Variants in MED15 observed in about 807,000 individuals in gnomAD.
MED15 encodes the protein mediator of RNA polymerase II transcription subunit 15.
In MED15, 41 loss-of-function variants were observed where a neutral mutation model predicts 118.7. The ratio of observed to expected loss-of-function variants is 0.35; its 90% confidence interval spans 0.27 to 0.45. The LOEUF (loss-of-function observed/expected upper bound fraction) is 0.45. MED15 is among the 20% of genes least tolerant of loss of function. MED15 has a pLI of 1.00. For synonymous variants in MED15, 436 were observed against 413.9 expected (o/e 1.05, Z -0.65); for missense variants, 740 against 1,025.5 (o/e 0.72, Z 3.80).
chr22:20,576,891 G>A (rs552620967), intron 9 of MED15, among the ~76,000 whole-genome samples: 1 of 152,188 alleles, frequency 6.6e-6, no homozygotes, highest in Non-Finnish European at 1.5e-5. Context: ...ATAGCCTCTG[G>A]CACAGTATCC....
intron 8 of MED15, among the ~76,000 whole-genome samples, chr22:20,570,134 C>A (rs150074612): frequency 7.9e-5 from 12 of 151,208 alleles, no homozygotes; most frequent in African/African-American, 2.7e-4. Flanking sequence ...AAGTGATTCT[C>A]CTGCCTCAGG....
rs559614939 is a variant in MED15, at chr22:20,568,116, C to A, written c.1042-405C>A. Among the ~76,000 whole-genome samples, 425 of 152,340 alleles carry A rather than the reference C, an allele frequency of 2.8e-3. 3 individuals are homozygous for A. Among genetic ancestry groups the A allele is most frequent in the Middle Eastern group, 0.01 (3 of 294 alleles). ...TTGGCCTCCCAGAATGCTGAGAATA[C>A]AGACAGGAGCTACTACGCCCTGCCC... On this transcript the variant is annotated intron_variant, in intron 7 of 17. Transcript: ENST00000263205.
chr22:20,579,683 C>T (rs1319815549), intron 9 of MED15, among the ~76,000 whole-genome samples: 1 of 152,150 alleles, frequency 6.6e-6, no homozygotes, highest in Non-Finnish European at 1.5e-5. Flanking sequence ...CTGTGTGGGT[C>T]CCTTTCCCAG....
chr22:20,586,528 C>T (rs754729697), intron 17 of MED15, 40 bp from the exon 18 acceptor site: 10 of 1,600,718 alleles, frequency 6.2e-6, no homozygotes, highest in East Asian at 2.2e-5. Context: ...GCGAGCGCAG[C>T]GCCGGCCGCC....
At chr22:20,511,498 GAAA>G (rs35887140) in intron 1 of MED15, among the ~76,000 whole-genome samples, 1 of 142,642 alleles carries the variant, frequency 7.0e-6, no homozygotes, top group Non-Finnish European at 1.6e-5. Context: ...CTCAAAAAAA[GAAA>G]AAAAAAAAGC....
intron 1 of MED15, among the ~76,000 whole-genome samples, chr22:20,508,664 A>C (rs2053959922): frequency 6.6e-6 from 1 of 152,170 alleles, no homozygotes; most frequent in Admixed American, 6.5e-5. Context: ...GGAGATTACA[A>C]AGTACATTGA....
rs1219166408 is a variant in MED15 at position 20,583,194 on chromosome 22, C to T, written c.1619C>T (p.Ser540Leu). 1 of 1,611,626 alleles carries T rather than the reference C, an allele frequency of 6.2e-7. No homozygotes were observed. The highest frequency in any genetic ancestry group is 8.5e-7 in the Non-Finnish European group (1 of 1,179,226). ...QQYLDKLKQLSKYIEPLRRMI... is the reference protein window; with the variant it reads ...QQYLDKLKQLLKYIEPLRRMI... Reference sequence around the variant, plus strand: ...TACCTGGACAAGCTGAAGCAGCTGTCGAAGTACATCGAGCCCCTGCGCCGC... The same window carrying T: ...TACCTGGACAAGCTGAAGCAGCTGTTGAAGTACATCGAGCCCCTGCGCCGC... Residue 540 changes from serine (S) to leucine (L), a missense_variant, in exon 12 of 18, where the codon TCG (serine) becomes TTG (leucine). Transcript: ENST00000263205.
chr22:20,536,345 T>C (rs1569191275), intron 1 of MED15, among the ~76,000 whole-genome samples: 1 of 1,184 alleles, frequency 8.4e-4, no homozygotes, highest in Admixed American at 0.011. Flanking sequence ...TGTGTGAGTG[T>C]GGGAGGTGGG....
At chr22:20,557,290 A>G (rs919065094) in intron 5 of MED15, among the ~76,000 whole-genome samples, 2 of 152,040 alleles carry the variant, frequency 1.3e-5, no homozygotes, top group African/African-American at 4.8e-5. Flanking sequence ...CTTTGGGGCC[A>G]TAGGCATCCT....
At position 20,523,815 on chromosome 22, in the gene MED15, A is replaced by G. The variant is rs541579293; in HGVS notation, c.69-13302A>G. The stretch of plus-strand genomic sequence containing the variant: ...CGTGTATTCTTCTGAACTAGCTTAG[A>G]CAACAGTACACAGTTTGAAGGGCAG... On this transcript the variant is annotated intron_variant, in intron 1 of 17. Coordinates refer to ENST00000263205, the MANE Select transcript of MED15 (RefSeq NM_001003891.3). The G allele has an allele frequency of 1.0e-5, 10 of 985,436 alleles. No individual in the cohort carries two copies. The East Asian group carries it at 1.0e-3, about 101-fold the overall frequency. The allele number at this position is 985,436 out of a possible 1,614,324, so 61.0% of individuals were successfully genotyped here.
intron 2 of MED15, among the ~76,000 whole-genome samples, chr22:20,540,976 C>T (rs57880669): frequency 1.0e-3 from 154 of 152,232 alleles, no homozygotes; most frequent in African/African-American, 2.7e-3. Context: ...CACCTGTAAT[C>T]CCAGCACTTT....
At chr22:20,518,837 T>C (rs984436361) in intron 1 of MED15, 52 of 453,232 alleles carry the variant, frequency 1.1e-4, no homozygotes, top group Non-Finnish European at 2.2e-4. Context: ...TGGTTGATTT[T>C]CTTTTTGAGA....
intron 6 of MED15, 78 bp downstream of exon 6, chr22:20,564,766 G>A (rs2056374305): frequency 6.3e-7 from 1 of 1,594,100 alleles, no homozygotes; most frequent in African/African-American, 1.3e-5. Context: ...ACAATGCTGG[G>A]TGCAGTGCCC....
intron 3 of MED15, 25 bp downstream of exon 3, chr22:20,551,512 G>A: frequency 6.2e-7 from 1 of 1,610,244 alleles, no homozygotes; most frequent in Non-Finnish European, 8.5e-7. Context: ...GCATTTCTGG[G>A]TTGTTGAGAT....
At chr22:20,511,094 A>G (rs1202845133) in intron 1 of MED15, among the ~76,000 whole-genome samples, 2 of 152,218 alleles carry the variant, frequency 1.3e-5, no homozygotes, top group East Asian at 1.9e-4. Context: ...AAAGATTTGC[A>G]TTAGAATTCT....
At chr22:20,559,583 G>A (rs1023742138) in intron 5 of MED15, among the ~76,000 whole-genome samples, 3 of 152,228 alleles carry the variant, frequency 2.0e-5, no homozygotes, top group African/African-American at 7.2e-5. Context: ...AGACTGCAGA[G>A]CACCAAAGGC....
chr22:20,582,851 C>T lies in MED15; in HGVS notation c.1421C>T (p.Ala474Val). 6.2e-7 allele frequency: 1 copy of T among 1,612,562 alleles called. No individual in the cohort carries two copies. Among genetic ancestry groups the T allele is most frequent in the Non-Finnish European group, 8.5e-7 (1 of 1,179,890 alleles). Residue 474 changes from alanine to valine, a missense_variant, in exon 11 of 18, where the codon GCC becomes GTC. By Grantham distance (64) the Ala-to-Val change is moderately conservative (BLOSUM62 0). Coordinates refer to ENST00000263205, the MANE Select transcript of MED15 (RefSeq NM_001003891.3). Reference sequence around the variant, plus strand: ...TCACTTGGCTGCAGCTCTGGCCCTGCCCCATCTCCCAGTAGCTTCCTGCCC... The same window carrying T: ...TCACTTGGCTGCAGCTCTGGCCCTGTCCCATCTCCCAGTAGCTTCCTGCCC... ...QPNSNVSSGP[A>V]PSPSSFLPSP... is the part of the protein sequence containing the mutation.
chr22:20,585,717 C>T lies in MED15; in HGVS notation c.2132-11C>T. On this transcript the variant is annotated splice_polypyrimidine_tract_variant and intron_variant, in intron 16 of 17. Transcript: ENST00000263205. The stretch of plus-strand genomic sequence containing the variant: ...TTGTCCAGGTCACAGATAGAGCCTT[C>T]TGTGTTGCAGATGACAAGGACCTCC... 1.9e-6 allele frequency: 3 copies of T among 1,612,440 alleles called. No individual in the cohort carries two copies. The highest frequency in any genetic ancestry group is 2.5e-6 in the Non-Finnish European group (3 of 1,179,538).
intron 2 of MED15, among the ~76,000 whole-genome samples, chr22:20,538,438 C>T (rs538356285): frequency 1.2e-3 from 176 of 151,352 alleles, no homozygotes; most frequent in Non-Finnish European, 2.0e-3. Context: ...TTTGTGGAGA[C>T]GAGGTCCCAC....
Sources: allele counts gnomAD v4.1 joint callset (sites outside exome capture counted in the v4.1 genomes callset), GRCh38; gene constraint gnomAD v4.1.1; transcripts MANE v1.5; gene names NCBI Gene and HGNC (gene_info 2026-07-23, HGNC 2026-07-21).